The following PLA1A variants were observed in gnomAD, a reference collection of about 807,000 sequenced individuals.
The protein encoded by PLA1A is phospholipase A1 member A, also known as phosphatidylserine-specific phospholipase A1alpha.
Under a neutral mutation model 49.4 loss-of-function variants are expected in PLA1A, and 47 were observed. That is an observed-to-expected ratio of 0.95 (90% CI 0.75 to 1.21). PLA1A has a LOEUF of 1.21. PLA1A is among the 50% of genes most tolerant of loss of function. The probability of loss-of-function intolerance (pLI) is 0.00; values close to 1 mark genes in which losing one functional copy is unlikely to be tolerated. For synonymous variants in PLA1A, 224 were observed against 207.9 expected (o/e 1.08, Z -0.67); for missense variants, 561 against 563.9 (o/e 0.99, Z 0.05).
chr3:119,602,029 G>A (rs2082624420), intron 1 of PLA1A, among the ~76,000 whole-genome samples: 1 of 152,144 alleles, frequency 6.6e-6, no homozygotes, highest in African/African-American at 2.4e-5. Flanking sequence ...GCTGGGCCAT[G>A]ATGTACTTTG....
chr3:119,607,824 C>T (rs532916614), intron 2 of PLA1A, among the ~76,000 whole-genome samples: 1 of 152,304 alleles, frequency 6.6e-6, no homozygotes, highest in African/African-American at 2.4e-5. Context: ...GCTCATCAGG[C>T]AAGGCACTCT....
Position 119,629,389 on chromosome 3 carries a change from A to C in PLA1A, c.1292A>C (p.Lys431Thr), listed in dbSNP as rs775937498. 6.3e-7 allele frequency: 1 copy of C among 1,599,528 alleles called. No homozygotes were observed. The highest frequency in any genetic ancestry group is 1.7e-5 in the Admixed American group (1 of 60,010). ...TALLPVNDRE[K>T]MVCLPEPVNL... The stretch of plus-strand genomic sequence containing the variant: ...TTATTGCTCTTCTCTTCCAGAGAAA[A>C]GATGGTCTGCTTACCTGAACCAGTG... The change falls in exon 11 of 11, where the codon AAG becomes ACG. Residue 431 changes from lysine (K) to threonine (T), a missense_variant. By Grantham distance (78) the Lys-to-Thr change is moderately conservative. Transcript: ENST00000273371.
chr3:119,628,007 TG>T (rs397775822), intron 9 of PLA1A, among the ~76,000 whole-genome samples: 2 of 151,718 alleles, frequency 1.3e-5, no homozygotes, highest in Non-Finnish European at 2.9e-5. Flanking sequence ...AAAGGGAATC[TG>T]GGGGGGCAAA....
At chr3:119,599,510 GAGTGGGAGGACTAT>G (rs985612919) in intron 1 of PLA1A, among the ~76,000 whole-genome samples, 11 of 152,172 alleles carry the variant, frequency 7.2e-5, no homozygotes, top group African/African-American at 2.4e-4. Context: ...GAAGGTTGAG[GAGTGGGAGGACTAT>G]AGCAAATTGG....
Position 119,629,551 on chromosome 3 carries a change from T to C in PLA1A, c.*83T>C. 1.3e-6 allele frequency: 1 copy of C among 782,404 alleles called. No individual in the cohort carries two copies. Among genetic ancestry groups the C allele is most frequent in the Non-Finnish European group, 2.3e-6 (1 of 438,008 alleles). The allele number at this position is 782,404 out of a possible 1,614,324, so 48.5% of individuals were successfully genotyped here. On this transcript the variant is annotated 3_prime_UTR_variant, in exon 11 of 11. Coordinates refer to ENST00000273371, the MANE Select transcript of PLA1A (RefSeq NM_015900.4). ...GTGATGAGGGATGTGTGTGTGCAGC[T>C]TATTGTAGACCATTACTACTAAGGA... is the stretch of plus-strand genomic sequence containing the variant.
chr3:119,607,434 C>CCATCTGATTGG (rs2082704569), intron 2 of PLA1A, among the ~76,000 whole-genome samples: 1 of 152,196 alleles, frequency 6.6e-6, no homozygotes, highest in Non-Finnish European at 1.5e-5. Flanking sequence ...TATATAGTCA[C>CCATCTGATTGG]TGAGTCTCAA....
Position 119,606,837 on chromosome 3 carries a change from G to C in PLA1A, c.137G>C (p.Gly46Ala). The C allele has an allele frequency of 6.2e-7, 1 of 1,614,090 alleles. No individual in the cohort carries two copies. The change falls in exon 2 of 11, where the codon GGC becomes GCC. Residue 46 changes from glycine (G) to alanine (A), a missense_variant. Physicochemically the swap from Gly to Ala is moderately conservative, Grantham distance 60. Coordinates refer to ENST00000273371, the MANE Select transcript of PLA1A (RefSeq NM_015900.4). ...TTCCAGAGCGCCAACCTTTTTGAAG[G>C]CACCGATCTCAAAGTCCAGTTTCTC... is the stretch of plus-strand genomic sequence containing the variant. ...ADFQSANLFEGTDLKVQFLLF... is the reference protein window; with the variant it reads ...ADFQSANLFEATDLKVQFLLF...
chr3:119,625,192 T>A lies in PLA1A; in HGVS notation c.1081T>A (p.Phe361Ile). 2 of 1,613,430 alleles carry A rather than the reference T, an allele frequency of 1.2e-6. No homozygotes were observed. The highest frequency in any genetic ancestry group is 1.7e-6 in the Non-Finnish European group (2 of 1,179,366). ...RNKDTNIEVTFLSSNITSSSK... is the reference protein window; with the variant it reads ...RNKDTNIEVTILSSNITSSSK... The stretch of plus-strand genomic sequence containing the variant: ...CAAGGACACCAACATCGAGGTTACC[T>A]TCCTTAGCAGTAACATCACCTCTTC... Residue 361 changes from phenylalanine to isoleucine, a missense_variant, in exon 9 of 11, where the codon TTC becomes ATC. Transcript: ENST00000273371.
Position 119,617,901 on chromosome 3 carries a change from G to A in PLA1A, c.755-118G>A. ...ATATTCTGAAAAAGTGATTTGAGGG[G>A]ACTCCCATGCATGTATTTACAGCTT... is the stretch of plus-strand genomic sequence containing the variant. On this transcript the variant is annotated intron_variant, in intron 6 of 10. Coordinates refer to ENST00000273371, the MANE Select transcript of PLA1A (RefSeq NM_015900.4). 6.1e-6 allele frequency: 4 copies of A among 659,272 alleles called. No individual in the cohort carries two copies. In the South Asian group the frequency reaches 9.9e-5, roughly 16 times the overall value. The allele number at this position is 659,272 out of a possible 1,614,324, so 40.8% of individuals were successfully genotyped here.
chr3:119,620,134 C>G, intron 8 of PLA1A: 3 of 456,868 alleles, frequency 6.6e-6, no homozygotes, highest in South Asian at 4.6e-5. Flanking sequence ...AGCTAGGATG[C>G]TGGTGATTGT....
In PLA1A at chr3:119,625,213, T is replaced by C. The variant is rs771028456; in HGVS notation, c.1102T>C (p.Ser368Pro). ...TACCTTCCTTAGCAGTAACATCACC[T>C]CTTCATCTAAGATCACCATGTACGT... Reference protein sequence around the residue: ...EVTFLSSNITSSSKITIPKQQ... With the variant: ...EVTFLSSNITPSSKITIPKQQ... The change falls in exon 9 of 11, where the codon TCT becomes CCT. Residue 368 changes from serine (S) to proline (P), a missense_variant. By Grantham distance (74) the Ser-to-Pro change is moderately conservative (BLOSUM62 -1). Transcript: ENST00000273371. The C allele has an allele frequency of 7.0e-5, 112 of 1,609,586 alleles. No individual in the cohort carries two copies. The highest frequency in any genetic ancestry group is 9.1e-5 in the Non-Finnish European group (107 of 1,176,056).
chr3:119,599,560 C>A (rs10511392), intron 1 of PLA1A, among the ~76,000 whole-genome samples: 15,308 of 152,230 alleles, frequency 0.1, 1,033 homozygotes, highest in East Asian at 0.22. Flanking sequence ...GGAAGCTCAT[C>A]TGTCGGTAAG....
intron 1 of PLA1A, among the ~76,000 whole-genome samples, chr3:119,600,096 G>C (rs2082597302): frequency 6.6e-6 from 1 of 152,128 alleles, no homozygotes; most frequent in Non-Finnish European, 1.5e-5. Context: ...CGGATGCAGA[G>C]AGCTCAAGGT....
intron 4 of PLA1A, 38 bp downstream of exon 4, chr3:119,609,614 A>C (rs983579954): frequency 8.9e-7 from 1 of 1,126,994 alleles, no homozygotes; most frequent in Non-Finnish European, 1.3e-6. Context: ...GGCTTTAGAG[A>C]TAGAGAAAGC....
Position 119,629,626 on chromosome 3 carries a change from G to T in PLA1A, c.*158G>T, listed in dbSNP as rs2052598735. 3.4e-6 allele frequency: 2 copies of T among 586,346 alleles called. No homozygotes were observed. Among genetic ancestry groups the T allele is most frequent in the African/African-American group, 3.7e-5 (2 of 53,704 alleles). 36.3% of individuals were successfully genotyped at this position (586,346 alleles called of 1,614,324 possible). A position where few individuals can be genotyped will look rare whatever the true frequency, so the allele number is the denominator to read the frequency against. ...TCCTCATAATCAGCTACCCTGGAGG[G>T]GAGGGAGAACTCATTTTACAGAACT... On this transcript the variant is annotated 3_prime_UTR_variant, in exon 11 of 11. Transcript: ENST00000273371.
chr3:119,598,061 C>T, intron 1 of PLA1A, 75 bp downstream of exon 1: 1 of 940,752 alleles, frequency 1.1e-6, no homozygotes. Context: ...TTATGCAGTA[C>T]TAACTTTTGG....
intron 8 of PLA1A, among the ~76,000 whole-genome samples, chr3:119,622,068 C>A (rs2082941113): frequency 7.3e-6 from 1 of 137,804 alleles, no homozygotes; most frequent in African/African-American, 3.3e-5. Context: ...GGCAAGAGAG[C>A]AAGAACCTGT....
At chr3:119,604,017 T>C (rs1233162373) in intron 1 of PLA1A, among the ~76,000 whole-genome samples, 1 of 152,276 alleles carries the variant, frequency 6.6e-6, no homozygotes, top group African/African-American at 2.4e-5. Flanking sequence ...AGTGCTGTTT[T>C]AGCCACTCTT....
At position 119,608,754 on chromosome 3, in the gene PLA1A, T is replaced by C. The variant is rs1560079262; in HGVS notation, c.276-16T>C. The C allele has an allele frequency of 6.3e-7, 1 of 1,587,482 alleles. No individual in the cohort carries two copies. Among genetic ancestry groups the C allele is most frequent in the Non-Finnish European group, 8.6e-7 (1 of 1,166,782 alleles). Reference sequence around the variant, plus strand: ...TGGCAGGTAATTTTTCCATTCTTTTTTGGCCCCCTGTCTAGGGTTTTAGGA... The same window carrying C: ...TGGCAGGTAATTTTTCCATTCTTTTCTGGCCCCCTGTCTAGGGTTTTAGGA... On this transcript the variant is annotated splice_polypyrimidine_tract_variant and intron_variant, in intron 2 of 10. Coordinates refer to ENST00000273371, the MANE Select transcript of PLA1A (RefSeq NM_015900.4).
Sources: allele counts gnomAD v4.1 joint callset (sites outside exome capture counted in the v4.1 genomes callset), GRCh38; gene constraint gnomAD v4.1.1; transcripts MANE v1.5; gene names NCBI Gene and HGNC (gene_info 2026-07-23, HGNC 2026-07-21).